GPC5: variants seen among roughly 807,000 people sequenced by gnomAD.
GPC5 encodes the protein glypican-5.
A neutral mutation model predicts 53.9 loss-of-function variants in GPC5; 47 were observed. That is an observed-to-expected ratio of 0.87 (90% CI 0.69 to 1.11). The LOEUF (loss-of-function observed/expected upper bound fraction) is 1.11. GPC5 is among the 50% of genes most tolerant of loss of function. The pLI, the probability that GPC5 is intolerant of heterozygous loss-of-function variation, is 0.00. For synonymous variants in GPC5, 286 were observed against 263.3 expected (o/e 1.09, Z -0.84); for missense variants, 748 against 713.1 (o/e 1.05, Z -0.56).
At chr13:91,585,270 C>T (rs1404280878) in intron 2 of GPC5, among the ~76,000 whole-genome samples, 2 of 152,064 alleles carry the variant, frequency 1.3e-5, no homozygotes. Context: ...ATACTATAAC[C>T]CAGCAATCCC....
At chr13:91,492,317 A>T (rs1883984756) in intron 2 of GPC5, among the ~76,000 whole-genome samples, 1 of 152,184 alleles carries the variant, frequency 6.6e-6, no homozygotes, top group Non-Finnish European at 1.5e-5. Context: ...TATTACAGGA[A>T]TTGGCTTACA....
At chr13:92,038,498 C>T (rs534539987) in intron 6 of GPC5, among the ~76,000 whole-genome samples, 1 of 150,706 alleles carries the variant, frequency 6.6e-6, no homozygotes, top group South Asian at 2.1e-4. Context: ...ACACCAAGTG[C>T]TTAATGAATA....
chr13:91,466,331 G>A (rs1882237220), intron 2 of GPC5, among the ~76,000 whole-genome samples: 1 of 152,152 alleles, frequency 6.6e-6, no homozygotes, highest in Non-Finnish European at 1.5e-5. Flanking sequence ...CTCCAAGGGG[G>A]ACTTGTCCAA....
intron 6 of GPC5, among the ~76,000 whole-genome samples, chr13:92,062,702 G>A (rs2041134836): frequency 1.3e-5 from 2 of 151,938 alleles, no homozygotes; most frequent in South Asian, 2.1e-4. Flanking sequence ...GACTATCTAG[G>A]TGCATATTAA....
At chr13:91,830,188 C>G (rs1317951890) in intron 5 of GPC5, among the ~76,000 whole-genome samples, 2 of 152,012 alleles carry the variant, frequency 1.3e-5, no homozygotes, top group Non-Finnish European at 2.9e-5. Context: ...TTCTCTTTCC[C>G]AGGGATGTTT....
At position 92,446,762 on chromosome 13, in the gene GPC5, T is replaced by C. The variant is rs550446754; in HGVS notation, c.1561+301773T>C. 25 of 152,254 alleles carry C rather than the reference T, an allele frequency of 1.6e-4. No individual in the cohort carries two copies. The East Asian group carries it at 4.8e-3, about 29-fold the overall frequency. 9.4% of individuals were successfully genotyped at this position (152,254 alleles called of 1,614,324 possible). ...CATTCCCACCAACAGTGTATGAGGATTACCTTTTCTCCACATCCTTGCCAG... is the reference window on the plus strand; with the variant it reads ...CATTCCCACCAACAGTGTATGAGGACTACCTTTTCTCCACATCCTTGCCAG... On this transcript the variant is annotated intron_variant, in intron 7 of 7. Coordinates refer to ENST00000377067, the MANE Select transcript of GPC5 (RefSeq NM_004466.6).
At chr13:92,636,958 G>A (rs1055748238) in intron 7 of GPC5, among the ~76,000 whole-genome samples, 24 of 152,098 alleles carry the variant, frequency 1.6e-4, no homozygotes, top group Admixed American at 1.2e-3. Flanking sequence ...TGGGCCAAGA[G>A]CTTTGGAGCC....
chr13:91,644,547 T>A (rs1038147595), intron 2 of GPC5, among the ~76,000 whole-genome samples: 4 of 152,230 alleles, frequency 2.6e-5, no homozygotes, highest in Non-Finnish European at 5.9e-5. Flanking sequence ...TTTCTCTTGG[T>A]AGCCTTTTAT....
chr13:91,414,244 C>T (rs538508014), intron 1 of GPC5, among the ~76,000 whole-genome samples: 13 of 152,292 alleles, frequency 8.5e-5, no homozygotes, highest in South Asian at 4.1e-4. Context: ...TGAGTTCTCA[C>T]GAGATCTAAT....
chr13:91,586,051 T>A (rs2032553695), intron 2 of GPC5, among the ~76,000 whole-genome samples: 6 of 128,222 alleles, frequency 4.7e-5, no homozygotes, highest in South Asian at 2.7e-4. Flanking sequence ...TATAAAAAAA[T>A]TTAAAAAAAG....
chr13:92,610,633 C>T (rs1594344659), intron 7 of GPC5, among the ~76,000 whole-genome samples: 2 of 152,130 alleles, frequency 1.3e-5, no homozygotes, highest in African/African-American at 2.4e-5. Flanking sequence ...AAAGAACTGC[C>T]GGAGACTAGG....
chr13:92,849,323 A>C (rs1283411784), intron 7 of GPC5, among the ~76,000 whole-genome samples: 1 of 152,234 alleles, frequency 6.6e-6, no homozygotes, highest in Non-Finnish European at 1.5e-5. Flanking sequence ...TAATGTACAC[A>C]GAATATTTAG....
At chr13:91,817,965 G>A (rs1019783327) in intron 5 of GPC5, among the ~76,000 whole-genome samples, 2 of 151,740 alleles carry the variant, frequency 1.3e-5, no homozygotes, top group African/African-American at 4.8e-5. Context: ...TGCTGGCCAG[G>A]GTACTAATAT....
chr13:91,625,430 C>T (rs1194774759), intron 2 of GPC5, among the ~76,000 whole-genome samples: 3 of 151,976 alleles, frequency 2.0e-5, no homozygotes, highest in African/African-American at 7.2e-5. Context: ...TAACTTTTGT[C>T]TTTCTTTATT....
At chr13:92,376,760 A>T (rs1220265771) in intron 7 of GPC5, among the ~76,000 whole-genome samples, 1 of 152,084 alleles carries the variant, frequency 6.6e-6, no homozygotes, top group Non-Finnish European at 1.5e-5. Flanking sequence ...TCACGCCTGT[A>T]ATCCCAGCAT....
intron 6 of GPC5, among the ~76,000 whole-genome samples, chr13:92,098,605 A>G (rs1414992989): frequency 3.3e-5 from 5 of 152,200 alleles, no homozygotes; most frequent in East Asian, 1.9e-4. Flanking sequence ...AAAGATATTC[A>G]TGTTTGAATC....
chr13:91,791,260 G>A (rs1283819561), intron 5 of GPC5, among the ~76,000 whole-genome samples: 1 of 152,172 alleles, frequency 6.6e-6, no homozygotes, highest in Non-Finnish European at 1.5e-5. Flanking sequence ...CTCATATTGG[G>A]TGGTGCCAGG....
chr13:92,365,903 A>G (rs2139287746), intron 7 of GPC5, among the ~76,000 whole-genome samples: 1 of 151,776 alleles, frequency 6.6e-6, no homozygotes, highest in African/African-American at 2.4e-5. Flanking sequence ...TCTTAAAAAA[A>G]AAGAAAAAAG....
At chr13:91,723,620 A>T (rs949296412) in intron 3 of GPC5, among the ~76,000 whole-genome samples, 5 of 151,980 alleles carry the variant, frequency 3.3e-5, no homozygotes, top group Admixed American at 6.6e-5. Context: ...TTATATAGGG[A>T]GTCAACCCCT....
Sources: gnomAD v4.1 joint callset for allele counts (sites outside exome capture counted in the v4.1 genomes callset) on GRCh38, gnomAD v4.1.1 for gene constraint, MANE v1.5 for transcripts, NCBI Gene and HGNC (gene_info 2026-07-23, HGNC 2026-07-21) for gene names.